PBX1: variants seen among roughly 807,000 people sequenced by gnomAD.
PBX1 encodes pre-B-cell leukemia transcription factor 1.
Under a neutral mutation model 53.4 loss-of-function variants are expected in PBX1, and 6 were observed. That is an observed-to-expected ratio of 0.11 (90% confidence interval 0.06 to 0.22). PBX1 has a LOEUF of 0.22. PBX1 is among the 10% of genes least tolerant of loss of function. The pLI, the probability that PBX1 is intolerant of heterozygous loss-of-function variation, is 1.00. For missense variants in PBX1, 251 were observed against 551.4 expected (o/e 0.46, Z 5.46); for synonymous variants, 204 against 212.3 (o/e 0.96, Z 0.34).
chr1:164,799,978 T>A (rs1318732881), intron 4 of PBX1, 89 bp downstream of exon 4: 1 of 1,242,438 alleles, frequency 8.0e-7, no homozygotes, highest in African/African-American at 1.5e-5. Context: ...CAGGCTCTAG[T>A]TTCACCCCAT....
intron 2 of PBX1, among the ~76,000 whole-genome samples, chr1:164,649,218 AG>A (rs1253474019): frequency 6.6e-6 from 1 of 152,142 alleles, no homozygotes; most frequent in Non-Finnish European, 1.5e-5. Context: ...CCCTTAACAA[AG>A]TATTCTATAA....
chr1:164,572,613 G>A (rs1470771610), intron 2 of PBX1, among the ~76,000 whole-genome samples: 7 of 152,172 alleles, frequency 4.6e-5, no homozygotes, highest in Non-Finnish European at 1.0e-4. Context: ...CATGGACTTT[G>A]AGTGAAACCA....
intron 2 of PBX1, among the ~76,000 whole-genome samples, chr1:164,611,628 A>AG (rs1021688162): frequency 9.1e-5 from 11 of 120,724 alleles, no homozygotes; most frequent in Non-Finnish European, 1.9e-4. Flanking sequence ...TGCCTTGGTT[A>AG]GGAAAAAAAA....
chr1:164,876,199 A>G (rs1429614042), intron 2 of PBX1, among the ~76,000 whole-genome samples: 1 of 151,954 alleles, frequency 6.6e-6, no homozygotes, highest in Non-Finnish European at 1.5e-5. Flanking sequence ...TAAATGCTAA[A>G]TAATCATAAT....
intron 2 of PBX1, among the ~76,000 whole-genome samples, chr1:164,763,214 T>G (rs566837483): frequency 1.5e-4 from 23 of 152,182 alleles, no homozygotes; most frequent in African/African-American, 5.3e-4. Flanking sequence ...GCTGGCAGAG[T>G]GGCTCCATAG....
intron 2 of PBX1, among the ~76,000 whole-genome samples, chr1:164,579,963 G>C (rs533912147): frequency 4.9e-4 from 74 of 152,288 alleles, no homozygotes; most frequent in Non-Finnish European, 7.4e-4. Flanking sequence ...TAATGAGAGA[G>C]AGGCTGACTT....
intron 2 of PBX1, among the ~76,000 whole-genome samples, chr1:164,776,971 GAGAGAGAGGAGGTGT>G (rs1667696142): frequency 8.8e-6 from 1 of 113,650 alleles, no homozygotes; most frequent in East Asian, 3.4e-4. Flanking sequence ...GAGAGAGAGA[GAGAGAGAGGAGGTGT>G]GGGGGGGCGG....
At chr1:164,702,644 C>T (rs1663190078) in intron 2 of PBX1, among the ~76,000 whole-genome samples, 1 of 151,020 alleles carries the variant, frequency 6.6e-6, no homozygotes, top group Admixed American at 6.6e-5. Flanking sequence ...GAATGCAGTG[C>T]AGGAAATATC....
chr1:164,563,634 A>AT (rs1028960415), intron 2 of PBX1, among the ~76,000 whole-genome samples: 5 of 152,118 alleles, frequency 3.3e-5, no homozygotes, highest in African/African-American at 9.7e-5. Flanking sequence ...GTAAAAGTTC[A>AT]TTTTTTTAAG....
At chr1:164,588,434 T>C (rs940524017) in intron 2 of PBX1, among the ~76,000 whole-genome samples, 2 of 136,010 alleles carry the variant, frequency 1.5e-5, no homozygotes, top group African/African-American at 2.7e-5. Flanking sequence ...CACACAGAGA[T>C]GAGGAAAAAG....
intron 8 of PBX1, among the ~76,000 whole-genome samples, chr1:164,823,952 G>A (rs991961449): frequency 5.9e-5 from 9 of 152,084 alleles, no homozygotes; most frequent in African/African-American, 9.7e-5. Flanking sequence ...GGTGGTATTC[G>A]ATGCTAAGAC....
chr1:164,776,979 G>GAGAGAGAGGGGGGGT (rs71097552), intron 2 of PBX1, among the ~76,000 whole-genome samples: 1 of 76,056 alleles, frequency 1.3e-5, no homozygotes, highest in Non-Finnish European at 2.3e-5. Context: ...GAGAGAGAGA[G>GAGAGAGAGGGGGGGT]GAGGTGTGGG....
chr1:164,853,724 C>T (rs1002650691), downstream of PBX1, among the ~76,000 whole-genome samples: 2 of 152,066 alleles, frequency 1.3e-5, no homozygotes, highest in South Asian at 2.1e-4. Context: ...TTGCCATCTT[C>T]GGGTCACACT....
At chr1:164,656,263 A>G (rs1333898579) in intron 2 of PBX1, among the ~76,000 whole-genome samples, 4 of 152,198 alleles carry the variant, frequency 2.6e-5, no homozygotes, top group Non-Finnish European at 5.9e-5. Flanking sequence ...AATATGGGTA[A>G]CAGCAAAAGC....
At chr1:164,828,196 TGA>T (rs1670563745) in intron 8 of PBX1, among the ~76,000 whole-genome samples, 1 of 152,208 alleles carries the variant, frequency 6.6e-6, no homozygotes, top group South Asian at 2.1e-4. Context: ...CTAGTTGCAA[TGA>T]GTTATGATCT....
chr1:164,766,731 T>C (rs1208612844), intron 2 of PBX1, among the ~76,000 whole-genome samples: 2 of 120,786 alleles, frequency 1.7e-5, no homozygotes, highest in African/African-American at 5.6e-5. Context: ...TATTTATTTA[T>C]TTATTTATTT....
chr1:164,873,888 A>T (rs1003795604), intron 2 of PBX1, among the ~76,000 whole-genome samples: 4 of 152,164 alleles, frequency 2.6e-5, no homozygotes, highest in East Asian at 1.9e-4. Context: ...TAACAGCTTA[A>T]AAAAAAATTA....
intron 2 of PBX1, among the ~76,000 whole-genome samples, chr1:164,736,287 AATGT>A (rs1160542396): frequency 6.6e-6 from 1 of 152,062 alleles, no homozygotes; most frequent in African/African-American, 2.4e-5. Context: ...ACCAAGTAAA[AATGT>A]GTGAGTGTGT....
chr1:164,651,930 GGTGTGTGTGTGTGTGTGTGTGT>G (rs57772161), intron 2 of PBX1: 10 of 144,080 alleles, frequency 6.9e-5, no homozygotes, highest in South Asian at 2.3e-4. Flanking sequence ...ATGGAGGGAG[GGTGTGTGTGTGTGTGTGTGTGT>G]GTGTGTGTGT....
Sources: allele counts gnomAD v4.1 joint callset (sites outside exome capture counted in the v4.1 genomes callset), GRCh38; gene constraint gnomAD v4.1.1; transcripts MANE v1.5; gene names NCBI Gene and HGNC (gene_info 2026-07-23, HGNC 2026-07-21).